Variants in BNIP3 observed in about 807,000 individuals in gnomAD.
BNIP3 encodes BCL2 interacting protein 3, also known as BCL2/adenovirus E1B 19 kDa protein-interacting protein 3.
BNIP3 carries 16 observed loss-of-function variants against 23.9 expected under a neutral mutation model. That is an observed-to-expected ratio of 0.67 (90% CI 0.45 to 1.01). The LOEUF is 1.01. Among genes scored for constraint, BNIP3 ranks in the 50% least tolerant of loss-of-function variants. BNIP3 has a pLI of 0.00. For synonymous variants in BNIP3, 81 were observed against 89.3 expected, an observed-to-expected ratio of 0.91 and a Z score of 0.53; for missense variants, 198 against 248.7, an observed-to-expected ratio of 0.80 and a Z score of 1.37.
chr10:131,979,244 A>C (rs898836955), intron 1 of BNIP3, among the ~76,000 whole-genome samples: 1 of 152,324 alleles, frequency 6.6e-6, no homozygotes, highest in Admixed American at 6.5e-5. Context: ...TTGGACGAGA[A>C]TCTCGATGTC....
rs1376703349 is a variant in BNIP3, at chr10:131,973,650, C to T, written c.197+143G>A. On this transcript the variant is annotated intron_variant, in intron 2 of 5. Transcript: ENST00000368636. ...GGCGAGGCTCCTATATAAGGACGGA[C>T]TGCAGCAGGAGCCAGTCCAGAACGC... 3.5e-6 allele frequency: 4 copies of T among 1,142,614 alleles called. No individual in the cohort carries two copies. In the Admixed American group the frequency reaches 9.0e-5, roughly 26 times the overall value. The allele number at this position is 1,142,614 out of a possible 1,614,324, so 70.8% of individuals were successfully genotyped here. A position where few individuals can be genotyped will look rare whatever the true frequency, so the allele number is the denominator to read the frequency against.
At chr10:131,968,693 T>C in intron 5 of BNIP3, 124 bp from the exon 6 acceptor site, 2 of 709,894 alleles carry the variant, frequency 2.8e-6, no homozygotes, top group Non-Finnish European at 4.7e-6. Flanking sequence ...TTTATACCCA[T>C]TATAAAAATT....
intron 1 of BNIP3, among the ~76,000 whole-genome samples, chr10:131,974,258 T>C (rs944543344): frequency 2.0e-5 from 3 of 152,260 alleles, no homozygotes; most frequent in Non-Finnish European, 2.9e-5. Context: ...ATTAGAATAC[T>C]TCCTTGCAGT....
At chr10:131,977,617 C>T (rs993628588) in intron 1 of BNIP3, among the ~76,000 whole-genome samples, 1 of 152,190 alleles carries the variant, frequency 6.6e-6, no homozygotes, top group African/African-American at 2.4e-5. Context: ...CCATCCAGCC[C>T]CTTAGAGCAC....
chr10:131,973,717 G>A (rs1050911487), intron 2 of BNIP3, 76 bp downstream of exon 2: 29 of 1,574,910 alleles, frequency 1.8e-5, no homozygotes, highest in South Asian at 8.2e-5. Context: ...GAGGTGACAC[G>A]GGCACTTCCA....
intron 2 of BNIP3, chr10:131,973,557 G>A (rs1017523353): frequency 7.0e-5 from 39 of 558,870 alleles, no homozygotes; most frequent in African/African-American, 4.9e-4. Flanking sequence ...TGGCTGTTCC[G>A]CTGCCTACTG....
chr10:131,975,809 T>C (rs1014182067), intron 1 of BNIP3, among the ~76,000 whole-genome samples: 1 of 152,202 alleles, frequency 6.6e-6, no homozygotes, highest in Admixed American at 6.5e-5. Flanking sequence ...GAACGCATGA[T>C]TGTTCTCTTT....
intron 3 of BNIP3, 118 bp from the exon 4 acceptor site, chr10:131,971,088 T>A: frequency 1.1e-6 from 1 of 918,080 alleles, no homozygotes; most frequent in Non-Finnish European, 1.7e-6. Flanking sequence ...GAGGCACATG[T>A]CAGTGCCTCG....
intron 5 of BNIP3, 68 bp from the exon 6 acceptor site, chr10:131,968,637 CAG>C (rs1035341013): frequency 2.8e-6 from 4 of 1,409,104 alleles, no homozygotes; most frequent in East Asian, 2.3e-5. Context: ...ACAGCTGAAA[CAG>C]GGTAGCTCAC....
At chr10:131,981,668 C>T in intron 1 of BNIP3, 93 bp downstream of exon 1, 1 of 1,377,364 alleles carries the variant, frequency 7.3e-7, no homozygotes, top group Non-Finnish European at 9.5e-7. Flanking sequence ...GCCCCCTAGG[C>T]CTCCCCGGCA....
Position 131,973,784 on chromosome 10 carries a change from C to A in BNIP3, c.197+9G>T. ...ACTGTAACACATACACTTGTTGATG[C>A]GCGCCTACCTGTCACAGTGAGAGCT... is the stretch of plus-strand genomic sequence containing the variant. On this transcript the variant is annotated intron_variant, in intron 2 of 5. Transcript: ENST00000368636. 6.2e-7 allele frequency: 1 copy of A among 1,611,710 alleles called. No individual in the cohort carries two copies. The highest frequency in any genetic ancestry group is 8.5e-7 in the Non-Finnish European group (1 of 1,179,734).
chr10:131,974,770 A>T (rs985814413), intron 1 of BNIP3, among the ~76,000 whole-genome samples: 1 of 152,232 alleles, frequency 6.6e-6, no homozygotes, highest in African/African-American at 2.4e-5. Flanking sequence ...CCATCTGGAT[A>T]GCATCTTTTT....
intron 1 of BNIP3, among the ~76,000 whole-genome samples, chr10:131,974,895 C>T (rs1019205357): frequency 7.2e-5 from 11 of 152,186 alleles, no homozygotes; most frequent in Non-Finnish European, 1.3e-4. Context: ...GAGGCTGGAA[C>T]GCTGCTCCCG....
Position 131,976,916 on chromosome 10 carries a change from T to C in BNIP3, c.47-2973A>G, listed in dbSNP as rs2037081672. ...GTGACTTTATGAATAACGCACACAC[T>C]GGTCAGGTTGTTCTGCCTATGGAGT... On this transcript the variant is annotated intron_variant, in intron 1 of 5. Transcript: ENST00000368636. The surrounding 1 kb of genome is among the most constrained non-coding windows in gnomAD (Gnocchi z 4.3). Among the ~76,000 whole-genome samples, 1 of 152,204 alleles carries C rather than the reference T, an allele frequency of 6.6e-6. No individual in the cohort carries two copies. Among genetic ancestry groups the C allele is most frequent in the Non-Finnish European group, 1.5e-5 (1 of 68,028 alleles).
intron 2 of BNIP3, 167 bp from the exon 3 acceptor site, chr10:131,973,285 C>T (rs2037054937): frequency 1.5e-6 from 1 of 657,062 alleles, no homozygotes; most frequent in South Asian, 1.8e-5. Context: ...AACTCTTCCT[C>T]AGCCCTTTTG....
At chr10:131,973,479 A>G in intron 2 of BNIP3, 1 of 472,376 alleles carries the variant, frequency 2.1e-6, no homozygotes, top group Non-Finnish European at 3.8e-6. Flanking sequence ...ACTGCTAACC[A>G]GGGACCGCTC....
At position 131,967,916 on chromosome 10, in the gene BNIP3, T is replaced by C. The variant is rs1167224658; in HGVS notation, c.*608A>G. ...TAATAATCGGAGACTTAATTCCTTA[T>C]AATGCAAAAGCAAGAAGAGTTTAGT... On this transcript the variant is annotated 3_prime_UTR_variant, in exon 6 of 6. Transcript: ENST00000368636. 3 of 152,286 alleles carry C rather than the reference T, an allele frequency of 2.0e-5. No homozygotes were observed. The highest frequency in any genetic ancestry group is 2.0e-4 in the Admixed American group (3 of 15,282). 9.4% of individuals were successfully genotyped at this position (152,286 alleles called of 1,614,324 possible).
At chr10:131,978,823 C>T (rs1398619427) in intron 1 of BNIP3, among the ~76,000 whole-genome samples, 1 of 152,226 alleles carries the variant, frequency 6.6e-6, no homozygotes, top group African/African-American at 2.4e-5. Context: ...GAGCTGTGAA[C>T]CCCCGAGGGA....
chr10:131,971,609 G>C (rs903257046), intron 3 of BNIP3: 5 of 152,338 alleles, frequency 3.3e-5, no homozygotes, highest in African/African-American at 1.2e-4. Flanking sequence ...TTTAAAACTA[G>C]GGGAAGTTTT....
Sources: allele counts gnomAD v4.1 joint callset (sites outside exome capture counted in the v4.1 genomes callset), GRCh38; gene constraint gnomAD v4.1.1; non-coding constraint Gnocchi (gnomAD v3.1); transcripts MANE v1.5; gene names NCBI Gene and HGNC (gene_info 2026-07-23, HGNC 2026-07-21).